Variants in ADCY8 observed in about 807,000 individuals in gnomAD.
ADCY8 encodes adenylate cyclase type 8.
ADCY8 carries 51 observed loss-of-function variants against 119.7 expected under a neutral mutation model. The observed-to-expected ratio is 0.43, with a 90% CI of 0.34 to 0.54. ADCY8 has a LOEUF of 0.54. Ranked by LOEUF, ADCY8 falls within the 20% of genes least tolerant of loss-of-function variation. ADCY8 has a pLI of 0.03. For missense variants in ADCY8, 1,383 were observed against 1,598.8 expected (o/e 0.87, Z 2.30); for synonymous variants, 665 against 651.0 (o/e 1.02, Z -0.33).
At chr8:130,955,169 C>A (rs1821389869) in intron 2 of ADCY8, among the ~76,000 whole-genome samples, 1 of 152,134 alleles carries the variant, frequency 6.6e-6, no homozygotes, top group African/African-American at 2.4e-5. Flanking sequence ...GAAAGATACG[C>A]ATTCTTACTT....
intron 13 of ADCY8, among the ~76,000 whole-genome samples, chr8:130,816,955 C>T (rs1391450869): frequency 1.3e-5 from 2 of 151,890 alleles, no homozygotes; most frequent in African/African-American, 4.8e-5. Context: ...AACAAATAAC[C>T]AAGCAGACAA....
At chr8:130,993,310 C>A (rs994472183) in intron 1 of ADCY8, among the ~76,000 whole-genome samples, 1 of 152,008 alleles carries the variant, frequency 6.6e-6, no homozygotes, top group Admixed American at 6.6e-5. Flanking sequence ...GTATACACTG[C>A]AAAATAAGAT....
intron 1 of ADCY8, among the ~76,000 whole-genome samples, chr8:131,025,688 T>C (rs1043759538): frequency 1.4e-4 from 22 of 152,204 alleles, no homozygotes; most frequent in African/African-American, 5.3e-4. Context: ...TAGTCAGGAT[T>C]TTCCTTTTAA....
At chr8:130,945,160 G>T (rs563653953) in intron 3 of ADCY8, among the ~76,000 whole-genome samples, 2 of 152,332 alleles carry the variant, frequency 1.3e-5, no homozygotes, top group South Asian at 2.1e-4. Flanking sequence ...CAGTCAGAAG[G>T]TATCACTGAG....
At chr8:131,010,712 G>A (rs917222805) in intron 1 of ADCY8, among the ~76,000 whole-genome samples, 6 of 152,322 alleles carry the variant, frequency 3.9e-5, no homozygotes, top group Non-Finnish European at 5.9e-5. Flanking sequence ...AGCTGTGGCC[G>A]CCAATAGCGT....
chr8:130,863,909 A>AT (rs771344095), intron 9 of ADCY8, among the ~76,000 whole-genome samples: 34 of 152,212 alleles, frequency 2.2e-4, no homozygotes, highest in Non-Finnish European at 4.0e-4. Flanking sequence ...AACTTCATTT[A>AT]TTTTTTCTCT....
chr8:130,919,467 A>G (rs1820235056), intron 5 of ADCY8, among the ~76,000 whole-genome samples: 1 of 152,188 alleles, frequency 6.6e-6, no homozygotes, highest in African/African-American at 2.4e-5. Flanking sequence ...CCTCTCTCCT[A>G]GCCTGCAGAA....
intron 5 of ADCY8, among the ~76,000 whole-genome samples, chr8:130,923,692 G>A (rs1321711271): frequency 6.6e-6 from 1 of 152,108 alleles, no homozygotes; most frequent in Non-Finnish European, 1.5e-5. Context: ...AAGCCACCTG[G>A]AGCCACTTTT....
chr8:130,793,589 C>G (rs1815489816), intron 15 of ADCY8, among the ~76,000 whole-genome samples: 1 of 152,178 alleles, frequency 6.6e-6, no homozygotes, highest in Admixed American at 6.5e-5. Flanking sequence ...CAGGGCAGGA[C>G]TTCACTAGAT....
chr8:131,009,199 C>T (rs896228399), intron 1 of ADCY8, among the ~76,000 whole-genome samples: 12 of 152,180 alleles, frequency 7.9e-5, no homozygotes, highest in African/African-American at 2.9e-4. Context: ...ACAGCAGCCT[C>T]CCTACCCCAT....
chr8:130,852,265 T>C (rs1817556088), intron 9 of ADCY8, among the ~76,000 whole-genome samples: 1 of 152,188 alleles, frequency 6.6e-6, no homozygotes, highest in African/African-American at 2.4e-5. Flanking sequence ...TTTTTTTGTT[T>C]GTTTTTGACT....
chr8:131,017,316 C>T (rs1442689042), intron 1 of ADCY8, among the ~76,000 whole-genome samples: 3 of 152,026 alleles, frequency 2.0e-5, no homozygotes, highest in East Asian at 1.9e-4. Flanking sequence ...GTGATCCACC[C>T]GCCTTGGTCT....
At chr8:130,870,963 A>G (rs1488388665) in intron 8 of ADCY8, among the ~76,000 whole-genome samples, 1 of 151,366 alleles carries the variant, frequency 6.6e-6, no homozygotes, top group African/African-American at 2.4e-5. Context: ...AGTTTGAAGC[A>G]TTCTATTATT....
rs911360167 is a variant in ADCY8, at chr8:130,992,848, A to T, written c.961-2306T>A. ...AATGGGGCTAAACTAATTTGTTTAA[A>T]GATATAATGCAATTCTTATAAATTT... is the stretch of plus-strand genomic sequence containing the variant. On this transcript the variant is annotated intron_variant, in intron 1 of 17. Coordinates refer to ENST00000286355, the MANE Select transcript of ADCY8 (RefSeq NM_001115.3). 1.1e-4 allele frequency among the ~76,000 whole-genome samples: 17 copies of T among 152,192 alleles called. No individual in the cohort carries two copies. The East Asian group carries it at 3.3e-3, about 29-fold the overall frequency.
chr8:130,988,157 A>G (rs897781703), intron 2 of ADCY8, among the ~76,000 whole-genome samples: 5 of 152,224 alleles, frequency 3.3e-5, no homozygotes, highest in Non-Finnish European at 5.9e-5. Context: ...TTGAAAGCCT[A>G]TGTTTTTTCT....
At chr8:130,885,318 G>A (rs748119628) in intron 7 of ADCY8, among the ~76,000 whole-genome samples, 9 of 151,568 alleles carry the variant, frequency 5.9e-5, no homozygotes, top group South Asian at 2.1e-4. Flanking sequence ...TTTTTACTTC[G>A]CTAATATGTC....
intron 15 of ADCY8, among the ~76,000 whole-genome samples, chr8:130,797,774 G>T (rs1022297779): frequency 3.3e-5 from 5 of 152,172 alleles, no homozygotes; most frequent in African/African-American, 1.2e-4. Flanking sequence ...CCACTGGATG[G>T]TGAAGCCTTG....
chr8:130,909,941 T>C, intron 5 of ADCY8, 75 bp from the exon 6 acceptor site: 1 of 401,238 alleles, frequency 2.5e-6, no homozygotes. Flanking sequence ...CTTTCTTTTC[T>C]TTTTTTTTTT....
At chr8:130,824,278 C>T (rs6997371) in intron 12 of ADCY8, among the ~76,000 whole-genome samples, 1 of 152,142 alleles carries the variant, frequency 6.6e-6, no homozygotes, top group South Asian at 2.1e-4. Context: ...ATGCCATACT[C>T]TAATAACCAC....
Sources: gnomAD v4.1 joint callset for allele counts (sites outside exome capture counted in the v4.1 genomes callset) on GRCh38, gnomAD v4.1.1 for gene constraint, MANE v1.5 for transcripts, NCBI Gene and HGNC (gene_info 2026-07-23, HGNC 2026-07-21) for gene names.